Variants in CCDC148 observed in about 807,000 individuals in gnomAD.
CCDC148 encodes the protein coiled-coil domain-containing protein 148.
CCDC148 carries 89 observed loss-of-function variants against 85.7 expected under a neutral mutation model. The ratio of observed to expected loss-of-function variants is 1.04; its 90% CI spans 0.87 to 1.24. CCDC148 has a LOEUF of 1.24. Ranked by LOEUF, CCDC148 falls within the 50% of genes most tolerant of loss-of-function variation. CCDC148 has a pLI of 0.00. For synonymous variants in CCDC148, 230 were observed against 213.9 expected, an observed-to-expected ratio of 1.08 and a Z score of -0.66; for missense variants, 692 against 671.7, an observed-to-expected ratio of 1.03 and a Z score of -0.33.
At chr2:158,329,984 T>C (rs1022526483) in intron 7 of CCDC148, among the ~76,000 whole-genome samples, 8 of 152,228 alleles carry the variant, frequency 5.3e-5, no homozygotes, top group African/African-American at 1.9e-4. Flanking sequence ...CTTTTCCTAA[T>C]TGAATATCCT....
chr2:158,323,397 T>TA (rs1222710225), intron 7 of CCDC148, among the ~76,000 whole-genome samples: 2 of 152,250 alleles, frequency 1.3e-5, no homozygotes, highest in Non-Finnish European at 2.9e-5. Context: ...TTGCATTAAA[T>TA]AAGACACACT....
intron 9 of CCDC148, among the ~76,000 whole-genome samples, chr2:158,294,321 C>T (rs1052835087): frequency 2.0e-5 from 3 of 152,046 alleles, no homozygotes; most frequent in African/African-American, 7.2e-5. Flanking sequence ...TTGTTTACCC[C>T]TTCCCTGGTT....
chr2:158,300,908 G>A (rs964583405), intron 9 of CCDC148, among the ~76,000 whole-genome samples: 12 of 152,194 alleles, frequency 7.9e-5, no homozygotes, highest in Non-Finnish European at 1.3e-4. Flanking sequence ...GAACTGAAGT[G>A]CAGTGATGCA....
At chr2:158,201,758 T>C (rs1459237671) in intron 11 of CCDC148, among the ~76,000 whole-genome samples, 1 of 152,126 alleles carries the variant, frequency 6.6e-6, no homozygotes, top group African/African-American at 2.4e-5. Flanking sequence ...CCTCATATGG[T>C]TATATTATCT....
intron 1 of CCDC148, among the ~76,000 whole-genome samples, chr2:158,449,182 A>G (rs1418609949): frequency 6.6e-6 from 1 of 152,186 alleles, no homozygotes. Context: ...ATAAAAATAC[A>G]ACTGACTTCT....
At position 158,340,687 on chromosome 2, in the gene CCDC148, T is replaced by C; in HGVS notation, c.252-7A>G. ...TTCAGATTCCATTTTACATCTGAAA[T>C]AGATGTGATCTCAATAAATGTTACA... On this transcript the variant is annotated splice_region_variant and splice_polypyrimidine_tract_variant and intron_variant, in intron 3 of 13. Coordinates refer to ENST00000283233, the MANE Select transcript of CCDC148 (RefSeq NM_138803.4). The C allele has an allele frequency of 6.9e-7, 1 of 1,443,518 alleles. No individual in the cohort carries two copies. 89.4% of individuals were successfully genotyped at this position (1,443,518 alleles called of 1,614,324 possible).
At chr2:158,233,842 C>T (rs1687970595) in intron 10 of CCDC148, among the ~76,000 whole-genome samples, 1 of 152,060 alleles carries the variant, frequency 6.6e-6, no homozygotes, top group Non-Finnish European at 1.5e-5. Context: ...ATAGAGATCT[C>T]CGTGTGCTTC....
Position 158,340,598 on chromosome 2 carries a change from C to T in CCDC148, c.334G>A (p.Glu112Lys), listed in dbSNP as rs753335540. The T allele has an allele frequency of 4.4e-6, 7 of 1,574,576 alleles. No homozygotes were observed. The highest frequency in any genetic ancestry group is 1.8e-5 in the Admixed American group (1 of 54,834). Residue 112 changes from glutamate (E) to lysine (K), a missense_variant and splice_region_variant, in exon 4 of 14, where the codon GAG (glutamate) becomes AAG (lysine). Transcript: ENST00000283233. ...AAATATAGGATCAAAAAAATCTTAC[C>T]AAAATTTGTAAGGTCACAAAGACAT... ...NECLCDLTNF[E>K]QELSEQQCTY...
At chr2:158,278,489 G>C (rs998467217) in intron 9 of CCDC148, among the ~76,000 whole-genome samples, 1 of 152,166 alleles carries the variant, frequency 6.6e-6, no homozygotes, top group Non-Finnish European at 1.5e-5. Flanking sequence ...GCACCTGGCT[G>C]GGAGGGTCCT....
At chr2:158,405,451 C>G (rs1036748066) in intron 1 of CCDC148, among the ~76,000 whole-genome samples, 1 of 152,050 alleles carries the variant, frequency 6.6e-6, no homozygotes. Context: ...GGAAATGGAA[C>G]AGCCTTAATT....
chr2:158,449,252 T>G lies in CCDC148; in HGVS notation c.25+7163A>C, dbSNP rs144837563. Among the ~76,000 whole-genome samples, 772 of 152,314 alleles carry G rather than the reference T, an allele frequency of 5.1e-3. 6 individuals carry two copies. Among genetic ancestry groups the G allele is most frequent in the African/African-American group, 0.017 (695 of 41,558 alleles). On this transcript the variant is annotated intron_variant, in intron 1 of 13. Coordinates refer to ENST00000283233, the MANE Select transcript of CCDC148 (RefSeq NM_138803.4). ...TTCATTTATTAGGTCCTAGTAGGAT[T>G]TTTTATGTATAAGGTCAAGTAATCT...
At chr2:158,212,189 T>C (rs1026112848) in intron 11 of CCDC148, among the ~76,000 whole-genome samples, 2 of 152,220 alleles carry the variant, frequency 1.3e-5, no homozygotes, top group Admixed American at 6.5e-5. Flanking sequence ...ACTATATCAT[T>C]TGGCACATCC....
chr2:158,400,362 T>A (rs1349682398), intron 1 of CCDC148, among the ~76,000 whole-genome samples: 1 of 152,008 alleles, frequency 6.6e-6, no homozygotes, highest in Non-Finnish European at 1.5e-5. Flanking sequence ...AAAACAGACA[T>A]ATAGACCAAT....
chr2:158,250,680 AT>A (rs1203823167), intron 10 of CCDC148, 91 bp downstream of exon 10: 1 of 1,435,460 alleles, frequency 7.0e-7, no homozygotes, highest in Non-Finnish European at 9.1e-7. Context: ...AGAACTGCTT[AT>A]GAGAATTTCA....
intron 9 of CCDC148, among the ~76,000 whole-genome samples, chr2:158,267,974 C>T (rs1000839634): frequency 2.6e-5 from 4 of 152,100 alleles, no homozygotes; most frequent in African/African-American, 7.2e-5. Flanking sequence ...GGATGCACCA[C>T]GGATTGTTTA....
At chr2:158,362,146 C>T (rs1414496903) in intron 1 of CCDC148, among the ~76,000 whole-genome samples, 2 of 151,912 alleles carry the variant, frequency 1.3e-5, no homozygotes, top group Admixed American at 1.3e-4. Flanking sequence ...TATATATGCA[C>T]CCAATACAGG....
At chr2:158,369,209 G>C (rs1374380233) in intron 1 of CCDC148, among the ~76,000 whole-genome samples, 1 of 152,080 alleles carries the variant, frequency 6.6e-6, no homozygotes. Flanking sequence ...ATTCTGTGAA[G>C]AATGTCAATG....
intron 1 of CCDC148, among the ~76,000 whole-genome samples, chr2:158,399,720 A>G (rs1016847590): frequency 6.6e-6 from 1 of 152,144 alleles, no homozygotes; most frequent in African/African-American, 2.4e-5. Context: ...AGCAGAAGAC[A>G]AGGATGCCCT....
chr2:158,381,621 C>T (rs2356090), intron 1 of CCDC148, among the ~76,000 whole-genome samples: 98,927 of 151,978 alleles, frequency 0.65, 32,773 homozygotes, highest in East Asian at 0.79. Context: ...TTTGTACATA[C>T]ATTCATCAGA....
Sources: allele counts gnomAD v4.1 joint callset (sites outside exome capture counted in the v4.1 genomes callset), GRCh38; gene constraint gnomAD v4.1.1; transcripts MANE v1.5; gene names NCBI Gene and HGNC (gene_info 2026-07-23, HGNC 2026-07-21).